CACNB2: variants seen among roughly 807,000 people sequenced by gnomAD.
CACNB2 encodes the protein calcium voltage-gated channel auxiliary subunit beta 2.
A neutral mutation model predicts 73.3 loss-of-function variants in CACNB2; 42 were observed. The ratio of observed to expected loss-of-function variants is 0.57; its 90% CI spans 0.45 to 0.74. The LOEUF (loss-of-function observed/expected upper bound fraction) is 0.74. Among genes scored for constraint, CACNB2 ranks in the 30% least tolerant of loss-of-function variants. The pLI is 0.00. For synonymous variants in CACNB2, 348 were observed against 310.3 expected (o/e 1.12, Z -1.28); for missense variants, 940 against 853.0 (o/e 1.10, Z -1.27).
chr10:18,411,590 C>A (rs553806101), intron 3 of CACNB2, among the ~76,000 whole-genome samples: 1 of 150,046 alleles, frequency 6.7e-6, no homozygotes, highest in East Asian at 2.0e-4. Flanking sequence ...CTCACTGCAG[C>A]CTCTGCCTCC....
At position 18,540,044 on chromosome 10, in the gene CACNB2, T is replaced by A. The variant is rs1200626124; in HGVS notation, c.*320T>A. 2 of 283,284 alleles carry A rather than the reference T, an allele frequency of 7.1e-6. No individual in the cohort carries two copies. Among genetic ancestry groups the A allele is most frequent in the African/African-American group, 4.4e-5 (2 of 45,500 alleles). The allele number at this position is 283,284 out of a possible 1,614,324, so 17.5% of individuals were successfully genotyped here. A position where few individuals can be genotyped will look rare whatever the true frequency, so the allele number is the denominator to read the frequency against. On this transcript the variant is annotated 3_prime_UTR_variant, in exon 14 of 14. Coordinates refer to ENST00000324631, the MANE Select transcript of CACNB2 (RefSeq NM_201596.3). Reference sequence around the variant, plus strand: ...GGTGATGTTAGTGTTTTAAGAAATGTAGTTGATGTATCCAACAAGCCAGAA... The same window carrying A: ...GGTGATGTTAGTGTTTTAAGAAATGAAGTTGATGTATCCAACAAGCCAGAA...
At chr10:18,468,673 C>G (rs965440933) in intron 3 of CACNB2, among the ~76,000 whole-genome samples, 2 of 152,038 alleles carry the variant, frequency 1.3e-5, no homozygotes, top group African/African-American at 2.4e-5. Context: ...AATCTCAGCT[C>G]ACTGCAACCT....
At chr10:18,501,831 G>A (rs1185581547) in intron 5 of CACNB2, among the ~76,000 whole-genome samples, 2 of 152,098 alleles carry the variant, frequency 1.3e-5, no homozygotes, top group Non-Finnish European at 2.9e-5. Context: ...TATGCTTTGT[G>A]GTTTGGAACA....
rs34022725 is a variant in CACNB2 at position 18,539,740 on chromosome 10, GTTTT to G, written c.*32_*35del. On this transcript the variant is annotated 3_prime_UTR_variant, in exon 14 of 14. Coordinates refer to ENST00000324631, the MANE Select transcript of CACNB2 (RefSeq NM_201596.3). The stretch of plus-strand genomic sequence containing the variant: ...CCGCCAATGAGTTTTGCCCGTTTGT[GTTTT>G]TTTTTTTTTTTTTTTGAAGTCTTGT... 2,934 of 1,444,808 alleles carry G rather than the reference GTTTT, an allele frequency of 2.0e-3. 14 individuals carry two copies. Among genetic ancestry groups the G allele is most frequent in the South Asian group, 0.01 (802 of 78,652 alleles). 89.5% of individuals were successfully genotyped at this position (1,444,808 alleles called of 1,614,324 possible).
intron 2 of CACNB2, among the ~76,000 whole-genome samples, chr10:18,201,006 G>C (rs554697452): frequency 2.0e-5 from 3 of 152,128 alleles, no homozygotes; most frequent in Non-Finnish European, 4.4e-5. Context: ...GTATAATAGG[G>C]CTAACGTTCA....
intron 2 of CACNB2, among the ~76,000 whole-genome samples, chr10:18,162,430 A>G (rs146699093): frequency 2.3e-4 from 35 of 152,300 alleles, no homozygotes; most frequent in African/African-American, 7.2e-4. Context: ...GATTTGTTCA[A>G]TGACGCGTAC....
At chr10:18,267,184 T>C (rs2037847239) in intron 2 of CACNB2, among the ~76,000 whole-genome samples, 1 of 78,784 alleles carries the variant, frequency 1.3e-5, no homozygotes, top group African/African-American at 5.6e-5. Flanking sequence ...TAACTTCATA[T>C]TTGGAACTGC....
intron 2 of CACNB2, among the ~76,000 whole-genome samples, chr10:18,308,914 CA>C (rs960618911): frequency 6.6e-6 from 1 of 151,952 alleles, no homozygotes; most frequent in Non-Finnish European, 1.5e-5. Context: ...GAAGCACTTG[CA>C]AAAAATGCAA....
intron 2 of CACNB2, among the ~76,000 whole-genome samples, chr10:18,157,579 T>C: frequency 6.6e-6 from 1 of 152,222 alleles, no homozygotes. Context: ...ATTAAATGCT[T>C]ACTTTAAGTT....
chr10:18,367,133 T>C (rs566981584), intron 2 of CACNB2, among the ~76,000 whole-genome samples: 1 of 152,336 alleles, frequency 6.6e-6, no homozygotes, highest in Non-Finnish European at 1.5e-5. Flanking sequence ...ATCATTTTTT[T>C]AACCATTTCC....
Position 18,519,571 on chromosome 10 carries a change from A to G in CACNB2, c.944+603A>G, listed in dbSNP as rs1218899379. 5 of 389,190 alleles carry G rather than the reference A, an allele frequency of 1.3e-5. No individual in the cohort carries two copies. In the East Asian group the frequency reaches 3.6e-4, roughly 28 times the overall value. 24.1% of individuals were successfully genotyped at this position (389,190 alleles called of 1,614,324 possible). A position where few individuals can be genotyped will look rare whatever the true frequency, so the allele number is the denominator to read the frequency against. The stretch of plus-strand genomic sequence containing the variant: ...CATCCCCTCTCTGCTAGAAGTATCC[A>G]TACAGAGCCGTAATCATCCTTTGCT... On this transcript the variant is annotated intron_variant, in intron 9 of 13. Coordinates refer to ENST00000324631, the MANE Select transcript of CACNB2 (RefSeq NM_201596.3).
chr10:18,497,427 TTC>T (rs2049904236), intron 3 of CACNB2, among the ~76,000 whole-genome samples: 2 of 152,102 alleles, frequency 1.3e-5, no homozygotes, highest in African/African-American at 4.8e-5. Context: ...ATTTGTTTTT[TTC>T]TTTTTTTTGA....
chr10:18,481,328 C>A (rs1359589804), intron 3 of CACNB2, among the ~76,000 whole-genome samples: 2 of 136,102 alleles, frequency 1.5e-5, no homozygotes, highest in East Asian at 4.7e-4. Flanking sequence ...CTCACTGCAA[C>A]CTCTGCCTCC....
At chr10:18,346,612 G>A (rs1391769294) in intron 2 of CACNB2, among the ~76,000 whole-genome samples, 1 of 150,658 alleles carries the variant, frequency 6.6e-6, no homozygotes, top group African/African-American at 2.4e-5. Context: ...GGGGAGCTCG[G>A]GGGGCACAGG....
intron 3 of CACNB2, among the ~76,000 whole-genome samples, chr10:18,464,270 A>G (rs1411890344): frequency 3.3e-5 from 5 of 150,584 alleles, no homozygotes; most frequent in African/African-American, 9.8e-5. Flanking sequence ...GGCTCTTTTC[A>G]TTAGCCAGGT....
In CACNB2 at chr10:18,541,466, A is replaced by G. The variant is rs1474759698; in HGVS notation, c.*1742A>G. On this transcript the variant is annotated 3_prime_UTR_variant, in exon 14 of 14. Transcript: ENST00000324631. Reference sequence around the variant, plus strand: ...TTTTGTCCAGTTATAACTGGATGGTAAGACAGTATTAAGAGTGCAAGTACC... The same window carrying G: ...TTTTGTCCAGTTATAACTGGATGGTGAGACAGTATTAAGAGTGCAAGTACC... 6.6e-6 allele frequency: 1 copy of G among 152,194 alleles called. No homozygotes were observed. The highest frequency in any genetic ancestry group is 1.5e-5 in the Non-Finnish European group (1 of 68,028). 9.4% of individuals were successfully genotyped at this position (152,194 alleles called of 1,614,324 possible).
intron 2 of CACNB2, among the ~76,000 whole-genome samples, chr10:18,311,063 G>A (rs937290309): frequency 6.6e-6 from 1 of 151,916 alleles, no homozygotes; most frequent in Admixed American, 6.6e-5. Flanking sequence ...TTTTATAAAT[G>A]CAATAATCTC....
intron 2 of CACNB2, among the ~76,000 whole-genome samples, chr10:18,303,716 C>G (rs1220290883): frequency 5.9e-5 from 9 of 152,116 alleles, no homozygotes; most frequent in Non-Finnish European, 1.0e-4. Context: ...CCTGTTAAGG[C>G]AGGCTGTCCT....
intron 3 of CACNB2, among the ~76,000 whole-genome samples, chr10:18,409,691 G>A (rs887605306): frequency 1.3e-5 from 2 of 152,284 alleles, no homozygotes; most frequent in South Asian, 4.1e-4. Context: ...CTTGTATAGG[G>A]TAATTGGGGA....
Sources: gnomAD v4.1 joint callset for allele counts (sites outside exome capture counted in the v4.1 genomes callset) on GRCh38, gnomAD v4.1.1 for gene constraint, MANE v1.5 for transcripts, NCBI Gene and HGNC (gene_info 2026-07-23, HGNC 2026-07-21) for gene names.